Variants in NSD1 observed in about 807,000 individuals in gnomAD.
The protein encoded by NSD1 is nuclear receptor binding SET domain protein 1.
NSD1 carries 26 observed loss-of-function variants against 242.7 expected under a neutral mutation model. The ratio of observed to expected loss-of-function variants is 0.11; its 90% CI spans 0.08 to 0.15. The LOEUF (loss-of-function observed/expected upper bound fraction) is 0.15, where lower values mean the gene tolerates loss of function less well. Ranked by LOEUF, NSD1 falls within the 10% of genes least tolerant of loss-of-function variation. The pLI, the probability that NSD1 is intolerant of heterozygous loss-of-function variation, is 1.00. For missense variants in NSD1, 2,495 were observed against 3,272.8 expected (o/e 0.76, Z 5.80); for synonymous variants, 1,106 against 1,178.1 (o/e 0.94, Z 1.25).
chr5:177,206,907 A>G (rs2149838932), intron 4 of NSD1, among the ~76,000 whole-genome samples: 1 of 150,632 alleles, frequency 6.6e-6, no homozygotes, highest in Admixed American at 6.6e-5. Context: ...TCCTTTCTTT[A>G]AGAGGAGGCT....
Position 177,251,896 on chromosome 5 carries a change from AT to A in NSD1, c.4765+47del, listed in dbSNP as rs761264141. Reference sequence around the variant, plus strand: ...CGGTCTTCCTCCAAAGAAAGTTTGAATTTTAAGTTTTTCAGGAAAGACATTT... The same window carrying A: ...CGGTCTTCCTCCAAAGAAAGTTTGAATTTAAGTTTTTCAGGAAAGACATTT... On this transcript the variant is annotated intron_variant, in intron 12 of 22. Transcript: ENST00000439151. 5 of 1,613,236 alleles carry A rather than the reference AT, an allele frequency of 3.1e-6. No individual in the cohort carries two copies. In the African/African-American group the frequency reaches 6.7e-5, roughly 22 times the overall value.
intron 2 of NSD1, among the ~76,000 whole-genome samples, chr5:177,178,446 G>C (rs1760386331): frequency 6.6e-6 from 1 of 152,094 alleles, no homozygotes; most frequent in African/African-American, 2.4e-5. Context: ...GGCTGGTCTT[G>C]AACTCCCGAC....
chr5:177,273,022 C>T (rs73347660), intron 16 of NSD1, among the ~76,000 whole-genome samples: 6,103 of 152,066 alleles, frequency 0.04, 411 homozygotes, highest in African/African-American at 0.14. Flanking sequence ...TGACTTTCTG[C>T]CAGAGGAGAG....
intron 2 of NSD1, among the ~76,000 whole-genome samples, chr5:177,156,469 G>A (rs1278478539): frequency 1.3e-5 from 2 of 152,032 alleles, no homozygotes; most frequent in African/African-American, 2.4e-5. Context: ...GTAAGCCTCC[G>A]CCGGGCCTTT....
intron 16 of NSD1, among the ~76,000 whole-genome samples, chr5:177,273,160 C>T (rs952265290): frequency 2.6e-5 from 4 of 152,130 alleles, no homozygotes; most frequent in South Asian, 2.1e-4. Flanking sequence ...TAGGAGATGG[C>T]ATCTGTGGGC....
chr5:177,214,309 C>T (rs1376641164), intron 5 of NSD1, among the ~76,000 whole-genome samples: 1 of 152,156 alleles, frequency 6.6e-6, no homozygotes, highest in African/African-American at 2.4e-5. Context: ...GATTGCGCCA[C>T]TGCACTCCAG....
At chr5:177,192,055 T>C in intron 3 of NSD1, 36 bp downstream of exon 3, 1 of 1,587,184 alleles carries the variant, frequency 6.3e-7, no homozygotes. Flanking sequence ...TTAAAGGCAG[T>C]TGCCTTTAGA....
At chr5:177,244,912 G>C (rs1766158766) in intron 9 of NSD1, among the ~76,000 whole-genome samples, 1 of 152,172 alleles carries the variant, frequency 6.6e-6, no homozygotes, top group African/African-American at 2.4e-5. Flanking sequence ...AAAATAAGCT[G>C]CTTTCAAAAT....
intron 20 of NSD1, 183 bp from the exon 21 acceptor site, chr5:177,288,636 T>C (rs1020176996): frequency 2.7e-5 from 15 of 560,306 alleles, no homozygotes; most frequent in Non-Finnish European, 4.4e-5. Flanking sequence ...TTAAGTTTTC[T>C]CTGTTAAATT....
Position 177,158,927 on chromosome 5 carries a change from T to G in NSD1, c.927+22897T>G, listed in dbSNP as rs182069242. 4.7e-3 allele frequency among the ~76,000 whole-genome samples: 623 copies of G among 132,860 alleles called. 3 individuals carry two copies. Among genetic ancestry groups the G allele is most frequent in the African/African-American group, 0.018 (568 of 31,014 alleles). 87.2% of individuals were successfully genotyped at this position (132,860 alleles called of 152,430 possible). A position where few individuals can be genotyped will look rare whatever the true frequency, so the allele number is the denominator to read the frequency against. ...GAAAGTTTTTTATATATAGTTTGTG[T>G]GTGTGTGTGTGTATATATACACACA... On this transcript the variant is annotated intron_variant, in intron 2 of 22. Transcript: ENST00000439151.
At chr5:177,244,157 A>G (rs1766099309) in intron 8 of NSD1, 38 bp from the exon 9 acceptor site, 4 of 1,442,134 alleles carry the variant, frequency 2.8e-6, no homozygotes, top group African/African-American at 1.4e-5. Context: ...TTATTTTTTC[A>G]TTCCTCTGTA....
chr5:177,162,201 G>A (rs1758813502), intron 2 of NSD1, among the ~76,000 whole-genome samples: 1 of 151,834 alleles, frequency 6.6e-6, no homozygotes, highest in Non-Finnish European at 1.5e-5. Flanking sequence ...GGGAGGCTGA[G>A]GCATGAGAAT....
At chr5:177,219,700 T>C (rs6556308) in intron 5 of NSD1, among the ~76,000 whole-genome samples, 54,699 of 151,896 alleles carry the variant, frequency 0.36, 13,135 homozygotes, top group African/African-American at 0.68. Flanking sequence ...CATGGCAGCT[T>C]ACGCCTGTAA....
Position 177,211,995 on chromosome 5 carries a change from G to A in NSD1, c.3596G>A (p.Gly1199Glu). 5 of 1,613,714 alleles carry A rather than the reference G, an allele frequency of 3.1e-6. No homozygotes were observed. Among genetic ancestry groups the A allele is most frequent in the South Asian group, 1.1e-5 (1 of 91,078 alleles). Residue 1199 changes from glycine (G) to glutamate (E), a missense_variant, in exon 5 of 23, where the codon GGG (glycine) becomes GAG (glutamate). Coordinates refer to ENST00000439151, the MANE Select transcript of NSD1 (RefSeq NM_022455.5). ...VLLPSDPVQE[G>E]RDEFPEHRTP... ...CTTCCTAGTGACCCTGTGCAGGAGG[G>A]GCGGGATGAGTTTCCAGAGCATAGA...
intron 5 of NSD1, among the ~76,000 whole-genome samples, chr5:177,221,620 G>A (rs945132687): frequency 3.3e-5 from 5 of 150,744 alleles, no homozygotes; most frequent in South Asian, 2.1e-4. Context: ...ACAGGCATGC[G>A]CCACCATGCC....
intron 3 of NSD1, 83 bp downstream of exon 3, chr5:177,192,102 T>A: frequency 8.0e-7 from 1 of 1,249,396 alleles, no homozygotes; most frequent in East Asian, 2.6e-5. Flanking sequence ...ATAATATATT[T>A]TTTTCCTTGG....
rs562132530 is a variant in NSD1 at position 177,182,796 on chromosome 5, C to T, written c.928-9088C>T. On this transcript the variant is annotated intron_variant, in intron 2 of 22. Transcript: ENST00000439151. The stretch of plus-strand genomic sequence containing the variant: ...GGGATTACAGGCGCCTGCCATTACG[C>T]CTGGCTAATTTTTGTATTTTTAGTA... 1.2e-4 allele frequency among the ~76,000 whole-genome samples: 18 copies of T among 152,270 alleles called. No individual in the cohort carries two copies. In the East Asian group the frequency reaches 3.1e-3, roughly 26 times the overall value.
chr5:177,156,010 G>C (rs1381138075), intron 2 of NSD1, among the ~76,000 whole-genome samples: 1 of 151,506 alleles, frequency 6.6e-6, no homozygotes, highest in Admixed American at 6.6e-5. Context: ...TGGCCTGCAT[G>C]GGGATTCTTA....
chr5:177,201,079 G>C (rs933301740), intron 3 of NSD1, among the ~76,000 whole-genome samples: 1 of 151,866 alleles, frequency 6.6e-6, no homozygotes, highest in Non-Finnish European at 1.5e-5. Context: ...TAGAGACTGG[G>C]TTTCGCCATG....
Sources: gnomAD v4.1 joint callset for allele counts (sites outside exome capture counted in the v4.1 genomes callset) on GRCh38, gnomAD v4.1.1 for gene constraint, MANE v1.5 for transcripts, NCBI Gene and HGNC (gene_info 2026-07-23, HGNC 2026-07-21) for gene names.